Variants in SLC24A2 observed in about 807,000 individuals in gnomAD.
SLC24A2 encodes sodium/potassium/calcium exchanger 2.
In SLC24A2, 36 loss-of-function variants were observed where a neutral mutation model predicts 62.0. The ratio of observed to expected loss-of-function variants is 0.58; its 90% CI spans 0.44 to 0.77. SLC24A2 has a LOEUF of 0.77. Ranked by LOEUF, SLC24A2 falls within the 30% of genes least tolerant of loss-of-function variation. The probability of loss-of-function intolerance (pLI) is 0.00; values close to 1 mark genes in which losing one functional copy is unlikely to be tolerated. For synonymous variants in SLC24A2, 358 were observed against 294.0 expected (o/e 1.22, Z -2.23); for missense variants, 846 against 817.9 (o/e 1.03, Z -0.42).
At position 19,699,679 on chromosome 9, in the gene SLC24A2, A is replaced by C. The variant is rs563293953; in HGVS notation, c.931-77380T>G. ...TCTGTATCATAAACACTGGAAAGAA[A>C]TGTATCAAATTAATACTTGTGATTA... On this transcript the variant is annotated intron_variant, in intron 2 of 10. Coordinates refer to ENST00000341998, the MANE Select transcript of SLC24A2 (RefSeq NM_020344.4). Among the ~76,000 whole-genome samples the C allele has an allele frequency of 1.3e-4, 20 of 152,334 alleles. No homozygotes were observed. The East Asian group carries it at 3.9e-3, about 29-fold the overall frequency.
the SLC24A2 span, among the ~76,000 whole-genome samples, chr9:19,858,831 TAAAAAGTCA>T: frequency 1.3e-5 from 2 of 152,090 alleles, no homozygotes; most frequent in African/African-American, 4.8e-5. Flanking sequence ...TCAGTATTAT[TAAAAAGTCA>T]AAAAATAGCA....
the SLC24A2 span, among the ~76,000 whole-genome samples, chr9:20,030,500 C>T: frequency 1.3e-5 from 2 of 152,192 alleles, no homozygotes; most frequent in African/African-American, 4.8e-5. Context: ...AGGGGACTGA[C>T]TGGCTGCACC....
chr9:19,642,977 G>T (rs1818544994), intron 2 of SLC24A2, among the ~76,000 whole-genome samples: 2 of 138,672 alleles, frequency 1.4e-5, no homozygotes, highest in African/African-American at 2.7e-5. Flanking sequence ...ACCGTGCCTG[G>T]CCAGTATTCT....
the SLC24A2 span, among the ~76,000 whole-genome samples, chr9:20,028,354 G>A: frequency 6.6e-6 from 1 of 152,210 alleles, no homozygotes; most frequent in Non-Finnish European, 1.5e-5. Flanking sequence ...GCACTCTGCT[G>A]CATAAGAGGG....
chr9:19,715,260 A>G (rs1353717201), intron 2 of SLC24A2, among the ~76,000 whole-genome samples: 1 of 152,096 alleles, frequency 6.6e-6, no homozygotes, highest in Non-Finnish European at 1.5e-5. Context: ...GTCCTCTTGT[A>G]TTTTCTTTTA....
chr9:20,037,279 T>A, the SLC24A2 span, among the ~76,000 whole-genome samples: 7 of 152,292 alleles, frequency 4.6e-5, no homozygotes, highest in African/African-American at 1.7e-4. Context: ...CTTTATGGTT[T>A]AGGGAATAAT....
chr9:19,554,847 C>A (rs1835003542), intron 7 of SLC24A2, among the ~76,000 whole-genome samples: 1 of 152,120 alleles, frequency 6.6e-6, no homozygotes, highest in Non-Finnish European at 1.5e-5. Flanking sequence ...CCCTGGACTG[C>A]CTATACTGAC....
chr9:19,898,247 G>A, the SLC24A2 span, among the ~76,000 whole-genome samples: 2 of 152,212 alleles, frequency 1.3e-5, no homozygotes, highest in African/African-American at 2.4e-5. Context: ...TGTGGAAGCT[G>A]CTGCCCCCAC....
the SLC24A2 span, among the ~76,000 whole-genome samples, chr9:20,157,150 A>T: frequency 6.6e-6 from 1 of 151,708 alleles, no homozygotes; most frequent in Non-Finnish European, 1.5e-5. Context: ...GACACAGAAG[A>T]AACACAAAAC....
the SLC24A2 span, among the ~76,000 whole-genome samples, chr9:20,063,553 T>C: frequency 1.3e-5 from 2 of 150,026 alleles, no homozygotes; most frequent in Admixed American, 6.6e-5. Flanking sequence ...GATGACGAGT[T>C]AGTGGGTGCA....
chr9:20,211,732 T>C, the SLC24A2 span, among the ~76,000 whole-genome samples: 3 of 152,190 alleles, frequency 2.0e-5, no homozygotes, highest in Non-Finnish European at 2.9e-5. Context: ...CCCCAATTTA[T>C]ATTTTCAAAA....
the SLC24A2 span, among the ~76,000 whole-genome samples, chr9:20,236,322 A>G: frequency 5.0e-4 from 76 of 152,304 alleles, no homozygotes; most frequent in African/African-American, 1.7e-3. Flanking sequence ...GATACATACA[A>G]TACTATCTGA....
chr9:19,900,679 A>G, the SLC24A2 span, among the ~76,000 whole-genome samples: 1 of 152,368 alleles, frequency 6.6e-6, no homozygotes, highest in South Asian at 2.1e-4. Context: ...GCACTTAAGA[A>G]ACACCTAAGA....
rs975645850 is a variant in SLC24A2, at chr9:19,512,667, C to CGGT, written c.*3483_*3485dup. 6.6e-6 allele frequency: 1 copy of CGGT among 152,148 alleles called. No individual in the cohort carries two copies. The highest frequency in any genetic ancestry group is 2.4e-5 in the African/African-American group (1 of 41,434). The allele number at this position is 152,148 out of a possible 1,614,324, so 9.4% of individuals were successfully genotyped here. ...CCTTGGAAGTATGGGGGAGGGTAGG[C>CGGT]GGTGACAGCAAGCAAGACCTGCTCG... is the stretch of plus-strand genomic sequence containing the variant. On this transcript the variant is annotated 3_prime_UTR_variant, in exon 11 of 11. Transcript: ENST00000341998.
the SLC24A2 span, among the ~76,000 whole-genome samples, chr9:20,152,978 G>T: frequency 2.6e-5 from 4 of 151,824 alleles, no homozygotes; most frequent in Non-Finnish European, 5.9e-5. Flanking sequence ...CTAGTACTAG[G>T]GGTTGTACAG....
chr9:19,838,055 T>C, the SLC24A2 span, among the ~76,000 whole-genome samples: 23 of 150,994 alleles, frequency 1.5e-4, no homozygotes, highest in Admixed American at 1.2e-3. Flanking sequence ...CTTCACAGAA[T>C]TGGAAAAAAC....
At chr9:19,971,007 C>A in the SLC24A2 span, among the ~76,000 whole-genome samples, 25 of 152,242 alleles carry the variant, frequency 1.6e-4, 1 homozygote, top group East Asian at 2.7e-3. Context: ...CTGGGCTCAG[C>A]CTTATGACCT....
At chr9:19,894,866 C>G in the SLC24A2 span, among the ~76,000 whole-genome samples, 1 of 152,142 alleles carries the variant, frequency 6.6e-6, no homozygotes, top group Non-Finnish European at 1.5e-5. Flanking sequence ...TACCTTCAAG[C>G]AGCCTGATGA....
chr9:19,950,741 A>G, the SLC24A2 span, among the ~76,000 whole-genome samples: 1 of 152,166 alleles, frequency 6.6e-6, no homozygotes, highest in Non-Finnish European at 1.5e-5. Context: ...GGAGATGGGG[A>G]GTATCCATCA....
Sources: gnomAD v4.1 joint callset for allele counts (sites outside exome capture counted in the v4.1 genomes callset) on GRCh38, gnomAD v4.1.1 for gene constraint, MANE v1.5 for transcripts, NCBI Gene and HGNC (gene_info 2026-07-23, HGNC 2026-07-21) for gene names.